The following TRMT9B variants were observed in gnomAD, a reference collection of about 807,000 sequenced individuals.
The protein encoded by TRMT9B is probable tRNA methyltransferase 9B.
In TRMT9B, 16 loss-of-function variants were observed where a neutral mutation model predicts 11.5. The ratio of observed to expected loss-of-function variants is 1.39; its 90% CI spans 0.94 to 2.11. The LOEUF is 2.11. TRMT9B is among the 30% of genes most tolerant of loss of function. The pLI is 0.00. For synonymous variants in TRMT9B, 274 were observed against 192.4 expected (o/e 1.42, Z -3.51); for missense variants, 941 against 553.8 (o/e 1.70, Z -7.02).
At chr8:12,979,237 C>A (rs546415994) in intron 1 of TRMT9B, among the ~76,000 whole-genome samples, 7 of 152,274 alleles carry the variant, frequency 4.6e-5, no homozygotes, top group Middle Eastern at 3.4e-3. Flanking sequence ...CAGTTTTGAC[C>A]CCTGCAGGCA....
rs1431333638 is a variant in TRMT9B, at chr8:13,026,790, A to G, written c.*4746A>G. 6.0e-6 allele frequency: 1 copy of G among 166,952 alleles called. No homozygotes were observed. The highest frequency in any genetic ancestry group is 2.4e-5 in the African/African-American group (1 of 41,394). 10.3% of individuals were successfully genotyped at this position (166,952 alleles called of 1,614,324 possible). On this transcript the variant is annotated 3_prime_UTR_variant, in exon 5 of 5. Coordinates refer to ENST00000524591, the MANE Select transcript of TRMT9B (RefSeq NM_020844.3). ...TCTCTGCTCTTAACCACAACACCAT[A>G]TACTCCCACCCCTGGGCCCAGCTCA...
chr8:13,011,346 A>C, intron 3 of TRMT9B: 2 of 985,344 alleles, frequency 2.0e-6, no homozygotes, highest in Non-Finnish European at 2.4e-6. Context: ...ATGAATCTTA[A>C]GTTTGCTTTT....
At chr8:12,995,019 C>T (rs1445457551) in intron 2 of TRMT9B, among the ~76,000 whole-genome samples, 1 of 152,228 alleles carries the variant, frequency 6.6e-6, no homozygotes, top group East Asian at 1.9e-4. Flanking sequence ...CGCTTCCAGG[C>T]TGAGTTCCAA....
At position 13,012,386 on chromosome 8, in the gene TRMT9B, G is replaced by A. The variant is rs1048271798; in HGVS notation, c.155-298G>A. ...GAGGTTGGGAGTTCGAGACCAACCT[G>A]ACCAACATGGAGAAACCCGTCTCTA... On this transcript the variant is annotated intron_variant, in intron 3 of 4. Coordinates refer to ENST00000524591, the MANE Select transcript of TRMT9B (RefSeq NM_020844.3). 9 of 554,956 alleles carry A rather than the reference G, an allele frequency of 1.6e-5. No homozygotes were observed. In the South Asian group the frequency reaches 5.4e-4, roughly 33 times the overall value. The allele number at this position is 554,956 out of a possible 1,614,324, so 34.4% of individuals were successfully genotyped here. A position where few individuals can be genotyped will look rare whatever the true frequency, so the allele number is the denominator to read the frequency against.
At chr8:12,954,160 TC>T (rs1319403806) in intron 1 of TRMT9B, among the ~76,000 whole-genome samples, 1 of 152,236 alleles carries the variant, frequency 6.6e-6, no homozygotes, top group Non-Finnish European at 1.5e-5. Context: ...GTGGGGATCT[TC>T]CCAGTAAATC....
chr8:12,964,726 C>G (rs1406959247), intron 1 of TRMT9B, among the ~76,000 whole-genome samples: 1 of 149,756 alleles, frequency 6.7e-6, no homozygotes, highest in Non-Finnish European at 1.5e-5. Context: ...AAGCATGCCA[C>G]CACACCAGGC....
intron 1 of TRMT9B, among the ~76,000 whole-genome samples, chr8:12,979,646 G>T (rs192641888): frequency 6.6e-6 from 1 of 152,086 alleles, no homozygotes. Context: ...TGCAACTACA[G>T]GTGATTAGTT....
chr8:13,002,956 T>C (rs1371530823), intron 2 of TRMT9B, among the ~76,000 whole-genome samples: 1 of 152,090 alleles, frequency 6.6e-6, no homozygotes, highest in Admixed American at 6.6e-5. Flanking sequence ...CTCAGGGTGA[T>C]CACTCCCTCT....
intron 1 of TRMT9B, among the ~76,000 whole-genome samples, chr8:12,967,524 A>G (rs1333144452): frequency 6.6e-6 from 1 of 152,196 alleles, no homozygotes; most frequent in Non-Finnish European, 1.5e-5. Flanking sequence ...TTCTCCAGTT[A>G]CCATTTGACC....
chr8:12,947,990 T>C (rs533797930), intron 1 of TRMT9B, among the ~76,000 whole-genome samples: 6 of 151,938 alleles, frequency 3.9e-5, no homozygotes, highest in African/African-American at 1.2e-4. Context: ...ACCCAGGGAG[T>C]TGACTAATAA....
intron 1 of TRMT9B, among the ~76,000 whole-genome samples, chr8:12,961,346 A>G (rs946257060): frequency 6.6e-6 from 1 of 152,166 alleles, no homozygotes; most frequent in Non-Finnish European, 1.5e-5. Flanking sequence ...TAATTTAAAA[A>G]AATCATATTT....
chr8:12,951,028 G>A (rs1194436530), intron 1 of TRMT9B, among the ~76,000 whole-genome samples: 1 of 152,178 alleles, frequency 6.6e-6, no homozygotes, highest in Admixed American at 6.5e-5. Context: ...TTGATAATAG[G>A]CGGTTGAAGA....
chr8:13,016,451 T>C (rs559348722), intron 4 of TRMT9B, among the ~76,000 whole-genome samples: 100 of 149,800 alleles, frequency 6.7e-4, no homozygotes, highest in Non-Finnish European at 1.3e-3. Context: ...AGACTGTCTC[T>C]CTTATGTCCC....
At chr8:12,978,174 A>T (rs1284736317) in intron 1 of TRMT9B, among the ~76,000 whole-genome samples, 9 of 152,204 alleles carry the variant, frequency 5.9e-5, no homozygotes, top group Non-Finnish European at 8.8e-5. Context: ...CTGAGCAAAT[A>T]ATGTGCATAA....
chr8:12,969,759 G>C (rs1269592466), intron 1 of TRMT9B, among the ~76,000 whole-genome samples: 1 of 151,516 alleles, frequency 6.6e-6, no homozygotes, highest in African/African-American at 2.4e-5. Flanking sequence ...GCAGCCTCAA[G>C]TGCCTGGGCT....
intron 4 of TRMT9B, among the ~76,000 whole-genome samples, chr8:13,020,058 G>C (rs1325875358): frequency 1.3e-5 from 2 of 152,110 alleles, no homozygotes; most frequent in Admixed American, 6.6e-5. Context: ...ATGCCTCTGT[G>C]GAAGGTAAAC....
At chr8:13,018,615 C>T (rs1347573877) in intron 4 of TRMT9B, among the ~76,000 whole-genome samples, 1 of 152,086 alleles carries the variant, frequency 6.6e-6, no homozygotes, top group African/African-American at 2.4e-5. Flanking sequence ...TTAATAAATT[C>T]AGTGGAATAT....
Position 13,021,584 on chromosome 8 carries a change from C to T in TRMT9B, c.905C>T (p.Thr302Ile). The T allele has an allele frequency of 1.2e-6, 2 of 1,613,824 alleles. No homozygotes were observed. Among genetic ancestry groups the T allele is most frequent in the Non-Finnish European group, 1.7e-6 (2 of 1,179,830 alleles). Residue 302 changes from threonine (T) to isoleucine (I), a missense_variant, in exon 5 of 5, where the codon ACA becomes ATA. By Grantham distance (89) the Thr-to-Ile change is moderately conservative. Coordinates refer to ENST00000524591, the MANE Select transcript of TRMT9B (RefSeq NM_020844.3). ...TTTGATCACCAAGAGCCATTTTCAA[C>T]AAAAGGGCAAAGTTTAGATGAGGAA... Reference protein sequence around the residue: ...LDFDHQEPFSTKGQSLDEEVF... With the variant: ...LDFDHQEPFSIKGQSLDEEVF...
In TRMT9B at chr8:13,021,574, C is replaced by T. The variant is rs1181969131; in HGVS notation, c.895C>T (p.Pro299Ser). The T allele has an allele frequency of 1.2e-6, 2 of 1,613,702 alleles. No individual in the cohort carries two copies. The highest frequency in any genetic ancestry group is 2.7e-5 in the African/African-American group (2 of 74,870). Reference protein sequence around the residue: ...HSSLDFDHQEPFSTKGQSLDE... With the variant: ...HSSLDFDHQESFSTKGQSLDE... ...TAGTTTAGACTTTGATCACCAAGAGCCATTTTCAACAAAAGGGCAAAGTTT... is the reference window on the plus strand; with the variant it reads ...TAGTTTAGACTTTGATCACCAAGAGTCATTTTCAACAAAAGGGCAAAGTTT... Residue 299 changes from proline (P) to serine (S), a missense_variant, in exon 5 of 5, where the codon CCA becomes TCA. Coordinates refer to ENST00000524591, the MANE Select transcript of TRMT9B (RefSeq NM_020844.3).
Sources: allele counts gnomAD v4.1 joint callset (sites outside exome capture counted in the v4.1 genomes callset), GRCh38; gene constraint gnomAD v4.1.1; transcripts MANE v1.5; gene names NCBI Gene and HGNC (gene_info 2026-07-23, HGNC 2026-07-21).